ELAVL4: variants seen among roughly 807,000 people sequenced by gnomAD.
ELAVL4 encodes the protein ELAV-like protein 4.
A neutral mutation model predicts 35.6 loss-of-function variants in ELAVL4; 1 was observed. That is an observed-to-expected ratio of 0.03 (90% CI 0.01 to 0.13). The LOEUF is 0.13. Ranked by LOEUF, ELAVL4 falls within the 10% of genes least tolerant of loss-of-function variation. The pLI, the probability that ELAVL4 is intolerant of heterozygous loss-of-function variation, is 1.00. For missense variants in ELAVL4, 267 were observed against 464.9 expected (o/e 0.57, Z 3.91); for synonymous variants, 156 against 171.0 (o/e 0.91, Z 0.69).
chr1:50,142,535 G>T (rs756211052), intron 1 of ELAVL4, among the ~76,000 whole-genome samples: 2 of 152,060 alleles, frequency 1.3e-5, no homozygotes, highest in African/African-American at 4.8e-5. Context: ...CTGTTGTCTT[G>T]ACTCAAACAC....
At chr1:50,048,108 C>T in exon 1 of ELAVL4, 3 of 1,463,674 alleles carry the variant, frequency 2.0e-6, no homozygotes, top group Admixed American at 2.5e-5. Flanking sequence ...TTCCCGCCCG[C>T]CGCGCTCCGC....
intron 3 of ELAVL4, among the ~76,000 whole-genome samples, chr1:50,190,335 G>A (rs1682478311): frequency 6.6e-6 from 1 of 152,000 alleles, no homozygotes; most frequent in Non-Finnish European, 1.5e-5. Context: ...GCCTAACCAA[G>A]GGCCTGACCA....
At chr1:50,187,156 G>A (rs1681958665) in intron 3 of ELAVL4, among the ~76,000 whole-genome samples, 1 of 152,148 alleles carries the variant, frequency 6.6e-6, no homozygotes, top group African/African-American at 2.4e-5. Flanking sequence ...TCAGAGAAAA[G>A]GGTGTTACAA....
intron 1 of ELAVL4, among the ~76,000 whole-genome samples, chr1:50,066,236 G>A (rs1423499402): frequency 1.3e-5 from 2 of 152,156 alleles, no homozygotes; most frequent in Admixed American, 6.5e-5. Flanking sequence ...TGTAACCACT[G>A]AGTCTTGCAA....
intron 1 of ELAVL4, among the ~76,000 whole-genome samples, chr1:50,063,974 G>C (rs756854639): frequency 6.6e-6 from 1 of 152,070 alleles, no homozygotes; most frequent in Non-Finnish European, 1.5e-5. Context: ...AGGAAAATTA[G>C]GAATTATCTA....
intron 1 of ELAVL4, among the ~76,000 whole-genome samples, chr1:50,144,365 T>C (rs1673320829): frequency 6.9e-6 from 1 of 145,208 alleles, no homozygotes; most frequent in Admixed American, 6.9e-5. Context: ...ATGGCTAGAT[T>C]AAAAAAAAAA....
chr1:50,054,072 G>T (rs1317685990), intron 1 of ELAVL4, among the ~76,000 whole-genome samples: 1 of 152,186 alleles, frequency 6.6e-6, no homozygotes, highest in Non-Finnish European at 1.5e-5. Flanking sequence ...TGAGAGGAGT[G>T]AGCAAGGAGG....
At chr1:50,096,284 G>A (rs1665713919) in intron 1 of ELAVL4, among the ~76,000 whole-genome samples, 1 of 151,388 alleles carries the variant, frequency 6.6e-6, no homozygotes, top group South Asian at 2.1e-4. Context: ...CATGAGTTCT[G>A]TGGAGTCAGA....
At chr1:50,185,838 G>A (rs760866959) in intron 3 of ELAVL4, among the ~76,000 whole-genome samples, 4 of 152,162 alleles carry the variant, frequency 2.6e-5, no homozygotes, top group Non-Finnish European at 4.4e-5. Context: ...ATAGGGGAAA[G>A]TATTATGAAG....
upstream of ELAVL4, among the ~76,000 whole-genome samples, chr1:50,099,277 C>T (rs928291985): frequency 7.9e-5 from 12 of 152,120 alleles, no homozygotes; most frequent in Non-Finnish European, 1.6e-4. Flanking sequence ...TAACAATGAA[C>T]TGGCTGGGTG....
rs17372091 is a variant in ELAVL4 at position 50,153,123 on chromosome 1, T to C, written c.250+7926T>C. Among the ~76,000 whole-genome samples the C allele has an allele frequency of 9.6e-3, 1,463 of 152,328 alleles. 10 individuals are homozygous for C. Among genetic ancestry groups the C allele is most frequent in the Middle Eastern group, 0.027 (8 of 294 alleles). ...GGAGCTGGCTGCTTATTATGCATATTAACTACACATCTACCTTGCTGTTTT... is the reference window on the plus strand; with the variant it reads ...GGAGCTGGCTGCTTATTATGCATATCAACTACACATCTACCTTGCTGTTTT... On this transcript the variant is annotated intron_variant, in intron 2 of 6. Coordinates refer to ENST00000371824, the MANE Select transcript of ELAVL4 (RefSeq NM_001144774.3).
chr1:50,065,561 T>A (rs1423123814), intron 1 of ELAVL4, among the ~76,000 whole-genome samples: 1 of 152,142 alleles, frequency 6.6e-6, no homozygotes, highest in Non-Finnish European at 1.5e-5. Flanking sequence ...AAATAATCCC[T>A]GCAAAGTGCT....
At chr1:50,104,023 A>C, upstream of ELAVL4, 1 of 1,613,742 alleles carries the variant, frequency 6.2e-7, no homozygotes, top group South Asian at 1.1e-5. Flanking sequence ...ACATCACTGG[A>C]TAGCCTGGCA....
chr1:50,128,189 G>A (rs1670269066), intron 1 of ELAVL4, among the ~76,000 whole-genome samples: 1 of 152,140 alleles, frequency 6.6e-6, no homozygotes, highest in Non-Finnish European at 1.5e-5. Context: ...AACAAAGGCT[G>A]TAAACATGGC....
At chr1:50,194,021 A>T in intron 4 of ELAVL4, 103 bp downstream of exon 4, 3 of 1,385,290 alleles carry the variant, frequency 2.2e-6, no homozygotes. Flanking sequence ...GATGATATGG[A>T]TCATGAATAG....
intron 1 of ELAVL4, among the ~76,000 whole-genome samples, chr1:50,087,632 C>A (rs778546501): frequency 2.0e-4 from 31 of 152,104 alleles, no homozygotes; most frequent in African/African-American, 6.3e-4. Flanking sequence ...GAAGCTCTAG[C>A]TCTTGATGTG....
rs1443985801 is a variant in ELAVL4 at position 50,091,421 on chromosome 1, G to A, written c.18+43239G>A. Among the ~76,000 whole-genome samples the A allele has an allele frequency of 2.0e-5, 3 of 152,210 alleles. No individual in the cohort carries two copies. In the East Asian group the frequency reaches 5.8e-4, roughly 29 times the overall value. ...TCCTCCACCCCCTGACAAGGCAGAT[G>A]TGGTAGGGATTTTTCCACTCCCATT... On this transcript the variant is annotated intron_variant, in intron 1 of 6. Coordinates refer to the ELAVL4 transcript ENST00000448907.
intron 1 of ELAVL4, among the ~76,000 whole-genome samples, chr1:50,073,228 G>A (rs1163136910): frequency 6.6e-6 from 1 of 152,082 alleles, no homozygotes; most frequent in Admixed American, 6.5e-5. Context: ...CATAGTAAGT[G>A]GTGGAGTTAG....
chr1:50,180,978 T>TG (rs1463224425), intron 3 of ELAVL4: 1 of 152,176 alleles, frequency 6.6e-6, no homozygotes, highest in Non-Finnish European at 1.5e-5. Flanking sequence ...TGGAGCTAGG[T>TG]GCTTTACACA....
Sources: gnomAD v4.1 joint callset for allele counts (sites outside exome capture counted in the v4.1 genomes callset) on GRCh38, gnomAD v4.1.1 for gene constraint, MANE v1.5 for transcripts, NCBI Gene and HGNC (gene_info 2026-07-23, HGNC 2026-07-21) for gene names.